DCUN1D3: variants seen among roughly 807,000 people sequenced by gnomAD.
The protein encoded by DCUN1D3 is defective in cullin neddylation 1 domain containing 3.
A neutral mutation model predicts 24.8 loss-of-function variants in DCUN1D3; 6 were observed. The observed-to-expected ratio is 0.24, with a 90% CI of 0.13 to 0.48. The LOEUF (loss-of-function observed/expected upper bound fraction) is 0.48, where lower values mean the gene tolerates loss of function less well. Ranked by LOEUF, DCUN1D3 falls within the 20% of genes least tolerant of loss-of-function variation. The probability of loss-of-function intolerance (pLI) is 0.99; values close to 1 mark genes in which losing one functional copy is unlikely to be tolerated. For synonymous variants in DCUN1D3, 120 were observed against 144.9 expected (o/e 0.83, Z 1.24); for missense variants, 258 against 379.4 (o/e 0.68, Z 2.66).
intron 1 of DCUN1D3, among the ~76,000 whole-genome samples, chr16:20,895,042 A>T (rs2081909185): frequency 6.6e-6 from 1 of 152,216 alleles, no homozygotes; most frequent in South Asian, 2.1e-4. Flanking sequence ...AATAAAAAAT[A>T]ATATGAATTT....
intron 1 of DCUN1D3, among the ~76,000 whole-genome samples, chr16:20,889,827 T>C (rs1025888312): frequency 6.6e-6 from 1 of 152,064 alleles, no homozygotes; most frequent in Admixed American, 6.5e-5. Context: ...TAGTTTCCAG[T>C]GAAGGGCTAG....
intron 1 of DCUN1D3, among the ~76,000 whole-genome samples, chr16:20,888,297 C>T (rs1274349431): frequency 6.6e-6 from 1 of 152,174 alleles, no homozygotes; most frequent in Admixed American, 6.5e-5. Flanking sequence ...TGAATCCTCA[C>T]AACCATTTAC....
intron 1 of DCUN1D3, among the ~76,000 whole-genome samples, chr16:20,885,868 C>G (rs1439379761): frequency 1.3e-5 from 2 of 152,116 alleles, no homozygotes; most frequent in African/African-American, 4.8e-5. Flanking sequence ...TGGGACAGAG[C>G]CTTGAATCCA....
chr16:20,880,617 A>AAC (rs1177567632), intron 1 of DCUN1D3, among the ~76,000 whole-genome samples: 2 of 146,406 alleles, frequency 1.4e-5, no homozygotes, highest in Non-Finnish European at 3.0e-5. Flanking sequence ...AAAAAAAAAA[A>AAC]AAAAAAAAAA....
intron 1 of DCUN1D3, among the ~76,000 whole-genome samples, chr16:20,891,637 G>A (rs1012517167): frequency 6.6e-6 from 1 of 152,176 alleles, no homozygotes; most frequent in Non-Finnish European, 1.5e-5. Flanking sequence ...TGGTGGGTGT[G>A]GAGTGGGGAG....
At chr16:20,878,190 T>C (rs1023995273) in intron 1 of DCUN1D3, among the ~76,000 whole-genome samples, 3 of 152,166 alleles carry the variant, frequency 2.0e-5, no homozygotes, top group African/African-American at 7.2e-5. Context: ...GATTATCTTA[T>C]TACTCCAATT....
intron 1 of DCUN1D3, among the ~76,000 whole-genome samples, chr16:20,870,038 G>C (rs898382120): frequency 6.6e-6 from 1 of 152,164 alleles, no homozygotes; most frequent in African/African-American, 2.4e-5. Context: ...ACGCCCCCAG[G>C]AAGCCTTTGG....
At position 20,859,962 on chromosome 16, in the gene DCUN1D3, C is replaced by T. The variant is rs142074017; in HGVS notation, c.839G>A (p.Arg280Gln). 3 of 1,614,114 alleles carry T rather than the reference C, an allele frequency of 1.9e-6. No individual in the cohort carries two copies. The highest frequency in any genetic ancestry group is 2.2e-5 in the South Asian group (2 of 91,086). Reference protein sequence around the residue: ...FDTFVEWEMERRKREGEGRGA... With the variant: ...FDTFVEWEMEQRKREGEGRGA... The stretch of plus-strand genomic sequence containing the variant: ...TCTCCCTTCCCCTTCTCTTTTCCTT[C>T]GCTCCATTTCCCACTCCACAAAGGT... Residue 280 changes from arginine (R) to glutamine (Q), a missense_variant, in exon 3 of 3, where the codon CGA becomes CAA. Arg to Gln is a conservative substitution (Grantham distance 43). Coordinates refer to ENST00000324344, the MANE Select transcript of DCUN1D3 (RefSeq NM_173475.4).
intron 1 of DCUN1D3, among the ~76,000 whole-genome samples, chr16:20,886,064 G>A (rs1279979499): frequency 1.4e-3 from 188 of 136,398 alleles, no homozygotes; most frequent in Non-Finnish European, 1.4e-3. Context: ...TTTTTTCATT[G>A]AAAAAAAAAA....
At chr16:20,891,299 TTTAA>T (rs2081891389) in intron 1 of DCUN1D3, among the ~76,000 whole-genome samples, 1 of 152,122 alleles carries the variant, frequency 6.6e-6, no homozygotes, top group Admixed American at 6.5e-5. Flanking sequence ...GCCGATTTTC[TTTAA>T]TTAGTTTTTT....
intron 1 of DCUN1D3, among the ~76,000 whole-genome samples, chr16:20,879,648 A>C (rs2081833062): frequency 6.6e-6 from 1 of 152,246 alleles, no homozygotes; most frequent in South Asian, 2.1e-4. Context: ...AGTTAGGAGA[A>C]TCGCTCTGGT....
At chr16:20,876,262 C>T (rs374424137) in intron 1 of DCUN1D3, among the ~76,000 whole-genome samples, 8 of 151,978 alleles carry the variant, frequency 5.3e-5, no homozygotes, top group Non-Finnish European at 1.2e-4. Flanking sequence ...CCACTGTGCC[C>T]GACTCTAATC....
At chr16:20,862,666 T>A (rs775971327) in intron 1 of DCUN1D3, 23 bp from the exon 2 acceptor site, 3 of 1,511,332 alleles carry the variant, frequency 2.0e-6, no homozygotes, top group Non-Finnish European at 2.6e-6. Flanking sequence ...TAGAAAGCCA[T>A]CACCTCTGGG....
Position 20,885,996 on chromosome 16 carries a change from G to T in DCUN1D3, c.-106+14208C>A, listed in dbSNP as rs142818600. Among the ~76,000 whole-genome samples the T allele has an allele frequency of 2.0e-5, 3 of 151,378 alleles. No homozygotes were observed. In the East Asian group the frequency reaches 5.8e-4, roughly 29 times the overall value. On this transcript the variant is annotated intron_variant, in intron 1 of 2. Coordinates refer to ENST00000324344, the MANE Select transcript of DCUN1D3 (RefSeq NM_173475.4). ...CCAACAGCAAACAATGAGGAACTGA[G>T]GAGCAATCCAGGTAGCCGGGAAACT...
chr16:20,897,183 G>A (rs1158954247), intron 1 of DCUN1D3, among the ~76,000 whole-genome samples: 2 of 152,226 alleles, frequency 1.3e-5, no homozygotes, highest in African/African-American at 2.4e-5. Context: ...ACTAGTCACT[G>A]TTGTAGGGTT....
intron 1 of DCUN1D3, among the ~76,000 whole-genome samples, chr16:20,899,605 G>A (rs766933044): frequency 1.2e-4 from 19 of 152,124 alleles, no homozygotes; most frequent in Non-Finnish European, 2.8e-4. Flanking sequence ...GTGCATGGGG[G>A]AGGATGAGGG....
Position 20,862,249 on chromosome 16 carries a change from C to T in DCUN1D3, c.290G>A (p.Arg97His), listed in dbSNP as rs368022474. ...TGCATCTTCCCGCTCATCCTTGTAGCGCCTGAACAGTTCTTCCAATCTTTG... is the reference window on the plus strand; with the variant it reads ...TGCATCTTCCCGCTCATCCTTGTAGTGCCTGAACAGTTCTTCCAATCTTTG... ...SLQRLEELFRRYKDEREDAIL... is the reference protein window; with the variant it reads ...SLQRLEELFRHYKDEREDAIL... Residue 97 changes from arginine (R) to histidine (H), a missense_variant, in exon 2 of 3, where the codon CGC becomes CAC. Transcript: ENST00000324344. 2.6e-5 allele frequency: 42 copies of T among 1,614,226 alleles called. No homozygotes were observed. Among genetic ancestry groups the T allele is most frequent in the East Asian group, 6.7e-5 (3 of 44,890 alleles).
chr16:20,860,355 T>G lies in DCUN1D3; in HGVS notation c.446A>C (p.Asp149Ala). 1 of 1,608,132 alleles carries G rather than the reference T, an allele frequency of 6.2e-7. No homozygotes were observed. The highest frequency in any genetic ancestry group is 8.5e-7 in the Non-Finnish European group (1 of 1,177,070). ...MCKFTRKEFF[D>A]GCKAISADSI... ...GTCTGCACTTATTGCTTTGCAGCCA[T>G]CAAAAAACTCCTTCCTGCAACAGAA... The change falls in exon 3 of 3, where the codon GAT becomes GCT. Residue 149 changes from aspartate to alanine, a missense_variant. Coordinates refer to ENST00000324344, the MANE Select transcript of DCUN1D3 (RefSeq NM_173475.4). The surrounding 1 kb of genome is among the most constrained non-coding windows in gnomAD (Gnocchi z 4.3).
rs199765506 is a variant in DCUN1D3 at position 20,860,336 on chromosome 16, A to G, written c.465T>C (p.Ser155=). The G allele has an allele frequency of 1.9e-6, 3 of 1,613,592 alleles. No homozygotes were observed. The highest frequency in any genetic ancestry group is 2.5e-6 in the Non-Finnish European group (3 of 1,179,636). The part of the protein sequence containing the change: ...KEFFDGCKAI[S]ADSIDGICAR... ...CACAGATTCCGTCAATGCTGTCTGC[A>G]CTTATTGCTTTGCAGCCATCAAAAA... Residue 155 remains serine, a synonymous_variant, in exon 3 of 3, where the codon AGT becomes AGC. Transcript: ENST00000324344. This position sits in a 1 kb window ranked among gnomAD's most constrained non-coding sequence, Gnocchi z 4.3.
Sources: gnomAD v4.1 joint callset for allele counts (sites outside exome capture counted in the v4.1 genomes callset) on GRCh38, gnomAD v4.1.1 for gene constraint, Gnocchi (gnomAD v3.1) non-coding constraint, MANE v1.5 for transcripts, NCBI Gene and HGNC (gene_info 2026-07-23, HGNC 2026-07-21) for gene names.